TTK: variants seen among roughly 807,000 people sequenced by gnomAD.
TTK encodes the protein TTK protein kinase.
In TTK, 59 loss-of-function variants were observed where a neutral mutation model predicts 117.3. The observed-to-expected ratio is 0.50, with a 90% CI of 0.41 to 0.62. TTK has a LOEUF of 0.62. Among genes scored for constraint, TTK ranks in the 20% least tolerant of loss-of-function variants. TTK has a pLI of 0.00. For synonymous variants in TTK, 302 were observed against 325.0 expected, an observed-to-expected ratio of 0.93 and a Z score of 0.76; for missense variants, 921 against 989.4, an observed-to-expected ratio of 0.93 and a Z score of 0.93.
At chr6:80,006,183 G>A in intron 2 of TTK, 1 of 618,770 alleles carries the variant, frequency 1.6e-6, no homozygotes. Context: ...ATGGTAGGTA[G>A]GCACTTAAAC....
Position 80,035,507 on chromosome 6 carries a change from G to A in TTK, c.1924+90G>A. On this transcript the variant is annotated intron_variant, in intron 16 of 21. Coordinates refer to ENST00000369798, the MANE Select transcript of TTK (RefSeq NM_003318.5). ...ATATACCTATAATTTTAGGGCATTG[G>A]TTATTGGTGTCTTTAACGAGATCAA... 3 of 1,269,488 alleles carry A rather than the reference G, an allele frequency of 2.4e-6. No homozygotes were observed. The South Asian group carries it at 5.3e-5, about 22-fold the overall frequency. The allele number at this position is 1,269,488 out of a possible 1,614,324, so 78.6% of individuals were successfully genotyped here.
chr6:80,040,913 A>G (rs1390737440), intron 21 of TTK, among the ~76,000 whole-genome samples: 2 of 151,866 alleles, frequency 1.3e-5, no homozygotes, highest in Non-Finnish European at 3.0e-5. Flanking sequence ...AGTTCAAAGT[A>G]GATCATCACA....
intron 1 of TTK, among the ~76,000 whole-genome samples, chr6:80,005,617 T>A (rs1027834576): frequency 6.6e-6 from 1 of 152,190 alleles, no homozygotes; most frequent in Non-Finnish European, 1.5e-5. Context: ...GATGTTATAT[T>A]GGGGGAAAAA....
Position 80,035,344 on chromosome 6 carries a change from A to G in TTK, c.1851A>G (p.Lys617=), listed in dbSNP as rs1368045051. The change falls in exon 16 of 22, where the codon AAA becomes AAG. Residue 617 remains lysine (K), a synonymous_variant. Coordinates refer to ENST00000369798, the MANE Select transcript of TTK (RefSeq NM_003318.5). ...IDLNSWLKKK[K]SIDPWERKSY... Reference sequence around the variant, plus strand: ...TTAATAGTTGGCTTAAAAAGAAAAAATCCATTGATCCATGGGAACGCAAGA... The same window carrying G: ...TTAATAGTTGGCTTAAAAAGAAAAAGTCCATTGATCCATGGGAACGCAAGA... 1.2e-6 allele frequency: 2 copies of G among 1,612,754 alleles called. No homozygotes were observed. Among genetic ancestry groups the G allele is most frequent in the East Asian group, 2.2e-5 (1 of 44,746 alleles).
Position 80,037,959 on chromosome 6 carries a change from G to T in TTK, c.2050-8G>T. ...ATTGATTTGTGTTTTCTCTGACTTG[G>T]CATATAGGTTGGCACAGTTAATTAT... On this transcript the variant is annotated splice_polypyrimidine_tract_variant and splice_region_variant and intron_variant, in intron 17 of 21. Coordinates refer to ENST00000369798, the MANE Select transcript of TTK (RefSeq NM_003318.5). 6.4e-7 allele frequency: 1 copy of T among 1,561,540 alleles called. No homozygotes were observed. The highest frequency in any genetic ancestry group is 8.7e-7 in the Non-Finnish European group (1 of 1,153,136).
At chr6:80,021,765 A>G (rs569470781) in intron 10 of TTK, among the ~76,000 whole-genome samples, 24 of 152,220 alleles carry the variant, frequency 1.6e-4, no homozygotes, top group Admixed American at 6.5e-5. Flanking sequence ...AACTCCCCCC[A>G]TGCAAGAGGA....
At chr6:80,033,473 T>C (rs1395096611) in intron 14 of TTK, among the ~76,000 whole-genome samples, 1 of 152,190 alleles carries the variant, frequency 6.6e-6, no homozygotes, top group Non-Finnish European at 1.5e-5. Flanking sequence ...CCCTCTGCAC[T>C]TGAATGTGAG....
At chr6:80,041,973 C>G (rs1023388634) in intron 21 of TTK, 146 bp from the exon 22 acceptor site, 6 of 455,888 alleles carry the variant, frequency 1.3e-5, no homozygotes, top group Non-Finnish European at 2.3e-5. Context: ...TTTATTATCT[C>G]TAATAGTTTA....
At chr6:80,038,480 C>G (rs986250822) in intron 18 of TTK, among the ~76,000 whole-genome samples, 1 of 152,124 alleles carries the variant, frequency 6.6e-6, no homozygotes, top group South Asian at 2.1e-4. Flanking sequence ...AGTCATAGAT[C>G]TGCCTCTTCA....
At chr6:80,012,681 A>G (rs2127717106) in intron 8 of TTK, among the ~76,000 whole-genome samples, 1 of 152,144 alleles carries the variant, frequency 6.6e-6, no homozygotes, top group East Asian at 1.9e-4. Flanking sequence ...TATCTTTTAT[A>G]ATTACATTTC....
chr6:80,022,584 A>C (rs1264334631), intron 11 of TTK, 112 bp downstream of exon 11: 2 of 1,196,816 alleles, frequency 1.7e-6, no homozygotes, highest in Non-Finnish European at 2.3e-6. Context: ...ATTTAGTAGA[A>C]TAGTTTATTT....
rs1311892415 is a variant in TTK at position 80,039,853 on chromosome 6, A to G, written c.2288A>G (p.Asp763Gly). Residue 763 changes from aspartate to glycine, a missense_variant, in exon 19 of 22, where the codon GAT (aspartate) becomes GGT (glycine). By Grantham distance (94) the Asp-to-Gly change is moderately conservative. Transcript: ENST00000369798. ...GAATTTCCCGATATTCCAGAGAAAG[A>G]TCTTCAAGATGTGTTAAAGGTAATA... ...EIEFPDIPEK[D>G]LQDVLKCCLK... 1 of 1,575,448 alleles carries G rather than the reference A, an allele frequency of 6.3e-7. No individual in the cohort carries two copies. Among genetic ancestry groups the G allele is most frequent in the Admixed American group, 1.9e-5 (1 of 53,574 alleles).
In TTK at chr6:80,007,991, A is replaced by ACAAG; in HGVS notation, c.322_323insCAAG (p.Ser108ThrfsTer5). The ACAAG allele has an allele frequency of 4.7e-5, 75 of 1,591,344 alleles. No individual in the cohort carries two copies. Among genetic ancestry groups the ACAAG allele is most frequent in the Non-Finnish European group, 5.9e-5 (69 of 1,159,776 alleles). ...CCCAGATAAATATGGCCAAAATGAG[A>ACAAG]GTTTTGCTAGAATTCAAGTGAGATT... On this transcript the variant is annotated frameshift_variant, in exon 3 of 22. Coordinates refer to ENST00000369798, the MANE Select transcript of TTK (RefSeq NM_003318.5). LOFTEE classifies it high-confidence loss of function.
intron 6 of TTK, 71 bp from the exon 7 acceptor site, chr6:80,011,657 GT>G (rs1266687240): frequency 1.3e-6 from 2 of 1,569,436 alleles, no homozygotes; most frequent in Non-Finnish European, 1.7e-6. Flanking sequence ...GTGTGATAAT[GT>G]TTAGCAGTAG....
At chr6:80,014,908 A>G (rs184000217) in intron 10 of TTK, among the ~76,000 whole-genome samples, 387 of 152,288 alleles carry the variant, frequency 2.5e-3, no homozygotes, top group African/African-American at 8.7e-3. Flanking sequence ...TCTTTTATCA[A>G]GCGTTTGGTT....
chr6:80,008,544 A>G lies in TTK; in HGVS notation c.469+52A>G. 4 of 1,468,096 alleles carry G rather than the reference A, an allele frequency of 2.7e-6. No homozygotes were observed. The South Asian group carries it at 5.0e-5, about 18-fold the overall frequency. The allele number at this position is 1,468,096 out of a possible 1,614,324, so 90.9% of individuals were successfully genotyped here. A position where few individuals can be genotyped will look rare whatever the true frequency, so the allele number is the denominator to read the frequency against. ...TTTAAGTAAAGGATAACTTATTACA[A>G]CTTACTTCCTAATATTAAATCATAT... is the stretch of plus-strand genomic sequence containing the variant. On this transcript the variant is annotated intron_variant, in intron 4 of 21. Transcript: ENST00000369798.
chr6:80,022,390 A>G lies in TTK; in HGVS notation c.1175A>G (p.Lys392Arg). Residue 392 changes from lysine (K) to arginine (R), a missense_variant, in exon 11 of 22, where the codon AAG becomes AGG. Lys to Arg is a conservative substitution (Grantham distance 26). Transcript: ENST00000369798. ...CAGAAACAGTGGCAATCTAAGAGAAAGTCAGAGTGTATTAACCAGAATCCT... is the reference window on the plus strand; with the variant it reads ...CAGAAACAGTGGCAATCTAAGAGAAGGTCAGAGTGTATTAACCAGAATCCT... The part of the protein sequence containing the change: ...SNQKQWQSKR[K>R]SECINQNPAA... 1 of 1,614,078 alleles carries G rather than the reference A, an allele frequency of 6.2e-7. No individual in the cohort carries two copies. Among genetic ancestry groups the G allele is most frequent in the Non-Finnish European group, 8.5e-7 (1 of 1,179,980 alleles).
chr6:80,007,518 A>G (rs1378113200), intron 2 of TTK, among the ~76,000 whole-genome samples: 1 of 152,092 alleles, frequency 6.6e-6, no homozygotes. Context: ...ATTTTCTTAA[A>G]CTACATACAA....
chr6:80,015,320 G>C (rs930938147), intron 10 of TTK, among the ~76,000 whole-genome samples: 1 of 152,138 alleles, frequency 6.6e-6, no homozygotes, highest in Non-Finnish European at 1.5e-5. Context: ...ATAAGACTAG[G>C]CGGACTTTGA....
Sources: allele counts gnomAD v4.1 joint callset (sites outside exome capture counted in the v4.1 genomes callset), GRCh38; gene constraint gnomAD v4.1.1; transcripts MANE v1.5; gene names NCBI Gene and HGNC (gene_info 2026-07-23, HGNC 2026-07-21).